PAPOLA: variants seen among roughly 807,000 people sequenced by gnomAD.
The protein encoded by PAPOLA is polynucleotide adenylyltransferase alpha.
Under a neutral mutation model 100.6 loss-of-function variants are expected in PAPOLA, and 15 were observed. The observed-to-expected ratio is 0.15, with a 90% CI of 0.10 to 0.23. The LOEUF (loss-of-function observed/expected upper bound fraction) is 0.23. PAPOLA is among the 10% of genes least tolerant of loss of function. The probability of loss-of-function intolerance (pLI) is 1.00; values close to 1 mark genes in which losing one functional copy is unlikely to be tolerated. For synonymous variants in PAPOLA, 293 were observed against 300.0 expected (o/e 0.98, Z 0.24); for missense variants, 533 against 884.2 (o/e 0.60, Z 5.04).
chr14:96,520,709 A>C (rs930470517), intron 2 of PAPOLA, among the ~76,000 whole-genome samples: 12 of 151,166 alleles, frequency 7.9e-5, no homozygotes, highest in Non-Finnish European at 4.4e-5. Flanking sequence ...TTTTGATGTT[A>C]TTTATTTTTT....
chr14:96,546,625 A>G (rs1446661183), intron 15 of PAPOLA, among the ~76,000 whole-genome samples: 1 of 152,128 alleles, frequency 6.6e-6, no homozygotes, highest in Non-Finnish European at 1.5e-5. Flanking sequence ...AGCATTTGGT[A>G]CTGAAAGACA....
rs377538075 is a variant in PAPOLA at position 96,525,291 on chromosome 14, C to A, written c.250-19C>A. Reference sequence around the variant, plus strand: ...CCCTTGTGCTCCACTGGCAAAATAACCATTTTTTGTTTCAACAGAATCTTC... The same window carrying A: ...CCCTTGTGCTCCACTGGCAAAATAAACATTTTTTGTTTCAACAGAATCTTC... On this transcript the variant is annotated intron_variant, in intron 3 of 21. Transcript: ENST00000216277. The A allele has an allele frequency of 2.4e-6, 3 of 1,228,506 alleles. No individual in the cohort carries two copies. The highest frequency in any genetic ancestry group is 3.0e-5 in the African/African-American group (2 of 66,566). The allele number at this position is 1,228,506 out of a possible 1,614,324, so 76.1% of individuals were successfully genotyped here. A position where few individuals can be genotyped will look rare whatever the true frequency, so the allele number is the denominator to read the frequency against.
intron 14 of PAPOLA, among the ~76,000 whole-genome samples, chr14:96,543,335 C>G (rs1900142262): frequency 6.6e-6 from 1 of 152,012 alleles, no homozygotes; most frequent in Admixed American, 6.6e-5. Flanking sequence ...GAGAAGATAA[C>G]ATAAGAAAAA....
intron 14 of PAPOLA, among the ~76,000 whole-genome samples, chr14:96,543,109 A>T (rs550949600): frequency 6.6e-6 from 1 of 152,240 alleles, no homozygotes; most frequent in South Asian, 2.1e-4. Context: ...TTCTGATAAT[A>T]TTCTTCCAAT....
At position 96,559,550 on chromosome 14, in the gene PAPOLA, C is replaced by CCTCTCTCTCT. The variant is rs66829530; in HGVS notation, c.2005-1076_2005-1067dup. 5.1e-3 allele frequency among the ~76,000 whole-genome samples: 604 copies of CCTCTCTCTCT among 118,412 alleles called. 9 individuals carry two copies. Among genetic ancestry groups the CCTCTCTCTCT allele is most frequent in the African/African-American group, 0.016 (478 of 29,644 alleles). The allele number at this position is 118,412 out of a possible 152,430, so 77.7% of individuals were successfully genotyped here. On this transcript the variant is annotated intron_variant, in intron 19 of 21. Coordinates refer to ENST00000216277, the MANE Select transcript of PAPOLA (RefSeq NM_032632.5). ...ATTTCCTGGATTATAGCTAAATTAA[C>CCTCTCTCTCT]CTCTCTCTCTCTCTCTCTCTCTCTC... is the stretch of plus-strand genomic sequence containing the variant.
intron 9 of PAPOLA, chr14:96,533,094 A>G (rs908046307): frequency 1.0e-6 from 1 of 979,654 alleles, no homozygotes; most frequent in Non-Finnish European, 1.2e-6. Flanking sequence ...ACGAATTTTC[A>G]TAAGAAGCTT....
chr14:96,555,018 G>A (rs1901184472), intron 17 of PAPOLA, among the ~76,000 whole-genome samples: 2 of 152,062 alleles, frequency 1.3e-5, no homozygotes, highest in African/African-American at 2.4e-5. Flanking sequence ...GAGAAAATGA[G>A]AGAGAAACTT....
chr14:96,564,079 TA>T (rs200379794), intron 21 of PAPOLA, among the ~76,000 whole-genome samples: 27 of 151,620 alleles, frequency 1.8e-4, no homozygotes, highest in Non-Finnish European at 1.6e-4. Flanking sequence ...TATGTTGATT[TA>T]AAAAAAAATT....
chr14:96,509,497 A>G (rs1231973886), intron 1 of PAPOLA, among the ~76,000 whole-genome samples: 1 of 152,262 alleles, frequency 6.6e-6, no homozygotes, highest in African/African-American at 2.4e-5. Flanking sequence ...AGAATGTAAC[A>G]TACTATAGAA....
intron 10 of PAPOLA, 71 bp downstream of exon 10, chr14:96,534,634 C>A: frequency 6.2e-7 from 1 of 1,609,906 alleles, no homozygotes; most frequent in East Asian, 2.2e-5. Flanking sequence ...TGCATAAACT[C>A]CAGGGAGACT....
intron 19 of PAPOLA, among the ~76,000 whole-genome samples, chr14:96,559,443 C>T (rs1372694934): frequency 1.3e-5 from 2 of 151,518 alleles, no homozygotes; most frequent in Non-Finnish European, 2.9e-5. Flanking sequence ...TAGTTTAGTT[C>T]TGCTTAATGG....
intron 12 of PAPOLA, among the ~76,000 whole-genome samples, chr14:96,541,422 G>A (rs1440623233): frequency 1.3e-5 from 2 of 152,150 alleles, no homozygotes; most frequent in African/African-American, 4.8e-5. Context: ...TAGAGATTCT[G>A]GTGTGAAATT....
At chr14:96,553,511 T>TA (rs758321681) in intron 17 of PAPOLA, 2,007 of 130,304 alleles carry the variant, frequency 0.015, 41 homozygotes, top group African/African-American at 0.035. Context: ...GACCCTGTCT[T>TA]AAAAAAAAAA....
intron 15 of PAPOLA, 148 bp downstream of exon 15, chr14:96,544,406 AT>A (rs1900224069): frequency 1.8e-6 from 1 of 553,394 alleles, no homozygotes; most frequent in Non-Finnish European, 3.2e-6. Context: ...TATTAGTCTA[AT>A]ACAGATTGAG....
chr14:96,532,314 T>C lies in PAPOLA; in HGVS notation c.608-17T>C. ...TGTGTGTGTGTGTGTGTGTTTTTTT[T>C]TACCCCTATTAATTAGGTTGCAGGG... On this transcript the variant is annotated splice_polypyrimidine_tract_variant and intron_variant, in intron 7 of 21. Transcript: ENST00000216277. 1 of 1,592,464 alleles carries C rather than the reference T, an allele frequency of 6.3e-7. No homozygotes were observed. The highest frequency in any genetic ancestry group is 1.2e-5 in the South Asian group (1 of 86,358).
chr14:96,544,709 T>G (rs546809246), intron 15 of PAPOLA, among the ~76,000 whole-genome samples: 2 of 152,036 alleles, frequency 1.3e-5, no homozygotes, highest in Non-Finnish European at 2.9e-5. Flanking sequence ...GACTTGCGCA[T>G]AATTTCTTGA....
In PAPOLA at chr14:96,531,591, G is replaced by T; in HGVS notation, c.607+5G>T. 2 of 1,596,532 alleles carry T rather than the reference G, an allele frequency of 1.3e-6. No homozygotes were observed. Among genetic ancestry groups the T allele is most frequent in the South Asian group, 2.3e-5 (2 of 88,834 alleles). On this transcript the variant is annotated splice_donor_5th_base_variant and intron_variant, in intron 7 of 21. Coordinates refer to ENST00000216277, the MANE Select transcript of PAPOLA (RefSeq NM_032632.5). ...GATGTATAAGAAGTCTTAACGGTAT[G>T]AGAAAGCCTACTTCCTTTTGTGTAC...
intron 9 of PAPOLA, chr14:96,534,027 A>T (rs1899303148): frequency 1.0e-6 from 1 of 987,190 alleles, no homozygotes; most frequent in African/African-American, 1.7e-5. Flanking sequence ...TTTTACTACT[A>T]CACTTGTCTT....
intron 16 of PAPOLA, among the ~76,000 whole-genome samples, chr14:96,548,509 G>A (rs903624502): frequency 5.3e-5 from 8 of 152,026 alleles, no homozygotes; most frequent in African/African-American, 2.4e-5. Flanking sequence ...AATTTTAGTG[G>A]ACAGATACAA....
Sources: gnomAD v4.1 joint callset for allele counts (sites outside exome capture counted in the v4.1 genomes callset) on GRCh38, gnomAD v4.1.1 for gene constraint, MANE v1.5 for transcripts, NCBI Gene and HGNC (gene_info 2026-07-23, HGNC 2026-07-21) for gene names.